ZNF521: variants seen among roughly 807,000 people sequenced by gnomAD.
The protein encoded by ZNF521 is zinc finger protein 521.
ZNF521 carries 14 observed loss-of-function variants against 105.5 expected under a neutral mutation model. The ratio of observed to expected loss-of-function variants is 0.13; its 90% CI spans 0.09 to 0.21. ZNF521 has a LOEUF of 0.21. ZNF521 is among the 10% of genes least tolerant of loss of function. ZNF521 has a pLI of 1.00. For missense variants in ZNF521, 1,233 were observed against 1,629.7 expected (o/e 0.76, Z 4.19); for synonymous variants, 635 against 606.0 (o/e 1.05, Z -0.70).
intron 4 of ZNF521, among the ~76,000 whole-genome samples, chr18:25,197,078 G>T (rs1397284564): frequency 1.3e-5 from 2 of 151,726 alleles, no homozygotes; most frequent in African/African-American, 2.4e-5. Flanking sequence ...ATAATAAAAT[G>T]CCAGCACTTA....
intron 3 of ZNF521, among the ~76,000 whole-genome samples, chr18:25,282,200 T>C (rs1305659849): frequency 6.6e-6 from 1 of 152,144 alleles, no homozygotes; most frequent in Non-Finnish European, 1.5e-5. Flanking sequence ...TATGAATATG[T>C]GTACTGGTAT....
At chr18:25,312,496 A>G (rs1600292099) in intron 3 of ZNF521, among the ~76,000 whole-genome samples, 1 of 152,286 alleles carries the variant, frequency 6.6e-6, no homozygotes, top group Admixed American at 6.5e-5. Context: ...CGGAAAAGGA[A>G]GCATACTCAG....
At chr18:25,257,730 T>C (rs62083932) in intron 3 of ZNF521, among the ~76,000 whole-genome samples, 12,156 of 152,240 alleles carry the variant, frequency 0.08, 552 homozygotes, top group African/African-American at 0.12. Context: ...TTGTTGAGTA[T>C]CAAATGCATA....
At chr18:25,228,805 T>C (rs1024923215) in intron 3 of ZNF521, among the ~76,000 whole-genome samples, 1 of 152,234 alleles carries the variant, frequency 6.6e-6, no homozygotes. Context: ...CACTGTTATT[T>C]CTGTTGCTTT....
chr18:25,179,916 T>C (rs987844560), intron 5 of ZNF521, among the ~76,000 whole-genome samples: 1 of 152,110 alleles, frequency 6.6e-6, no homozygotes, highest in Non-Finnish European at 1.5e-5. Context: ...AAAAGGACCA[T>C]AAAAATAGAA....
chr18:25,319,761 C>T (rs10460096), intron 3 of ZNF521, among the ~76,000 whole-genome samples: 133,823 of 152,226 alleles, frequency 0.88, 59,445 homozygotes, highest in Non-Finnish European at 0.96. Flanking sequence ...AAACATTCAT[C>T]GTTAACAACA....
chr18:25,103,150 G>C (rs1267594639), intron 5 of ZNF521, among the ~76,000 whole-genome samples: 1 of 151,958 alleles, frequency 6.6e-6, no homozygotes, highest in Non-Finnish European at 1.5e-5. Context: ...CTAGATATGG[G>C]GAATTTTATC....
At chr18:25,125,977 C>G (rs1031470177) in intron 5 of ZNF521, among the ~76,000 whole-genome samples, 4 of 151,834 alleles carry the variant, frequency 2.6e-5, no homozygotes, top group African/African-American at 9.7e-5. Context: ...CACCATATTC[C>G]CCTTCAATGG....
chr18:25,181,376 C>T (rs2035629163), intron 5 of ZNF521, among the ~76,000 whole-genome samples: 1 of 152,120 alleles, frequency 6.6e-6, no homozygotes, highest in Non-Finnish European at 1.5e-5. Flanking sequence ...CCACACAAAC[C>T]ATAACATGCA....
chr18:25,162,881 T>C (rs922757406), intron 5 of ZNF521, among the ~76,000 whole-genome samples: 14 of 152,222 alleles, frequency 9.2e-5, no homozygotes, highest in Non-Finnish European at 1.8e-4. Context: ...TTTTTGTCTG[T>C]AGTTAACAAG....
chr18:25,253,331 A>G (rs1275831485), intron 3 of ZNF521, among the ~76,000 whole-genome samples: 2 of 152,134 alleles, frequency 1.3e-5, no homozygotes, highest in Non-Finnish European at 2.9e-5. Context: ...TCACTACGGT[A>G]TTTCCATTTA....
intron 5 of ZNF521, among the ~76,000 whole-genome samples, chr18:25,120,591 A>AAC (rs1555636103): frequency 0.018 from 2,379 of 135,110 alleles, 69 homozygotes; most frequent in African/African-American, 0.056. Context: ...CTAAAAAAAA[A>AAC]AAAAAAAAAA....
intron 3 of ZNF521, among the ~76,000 whole-genome samples, chr18:25,245,579 TATTTTACCC>T (rs1391928445): frequency 6.6e-6 from 1 of 152,246 alleles, no homozygotes; most frequent in Non-Finnish European, 1.5e-5. Context: ...ATTCATTCAT[TATTTTACCC>T]ATTTGTTCAT....
At chr18:25,344,793 T>C (rs1240591124) in intron 2 of ZNF521, among the ~76,000 whole-genome samples, 2 of 152,222 alleles carry the variant, frequency 1.3e-5, no homozygotes, top group Admixed American at 1.3e-4. Context: ...TCACTTTCCC[T>C]CTTAAAATTA....
At chr18:25,219,938 C>G (rs1196053558) in intron 4 of ZNF521, among the ~76,000 whole-genome samples, 1 of 152,238 alleles carries the variant, frequency 6.6e-6, no homozygotes, top group Non-Finnish European at 1.5e-5. Flanking sequence ...GTAACCACCA[C>G]AGGCATCAAG....
chr18:25,108,582 G>C (rs141436056), intron 5 of ZNF521, among the ~76,000 whole-genome samples: 2,240 of 152,098 alleles, frequency 0.015, 52 homozygotes, highest in African/African-American at 0.051. Context: ...AATAAGCAGG[G>C]GGAATTTCCA....
In ZNF521 at chr18:25,351,748, G is replaced by A. The variant is rs1661861914; in HGVS notation, c.-2+257C>T. The A allele has an allele frequency of 2.6e-5, 4 of 155,754 alleles. No homozygotes were observed. The Admixed American group carries it at 2.6e-4, about 10-fold the overall frequency. The allele number at this position is 155,754 out of a possible 1,614,324, so 9.6% of individuals were successfully genotyped here. A position where few individuals can be genotyped will look rare whatever the true frequency, so the allele number is the denominator to read the frequency against. ...AAGCACCCGAGCCGACGGCCCCCAG[G>A]TGGTGTGCGGGGCTGCTTGTGTGCA... On this transcript the variant is annotated intron_variant, in intron 1 of 7. Transcript: ENST00000361524.
chr18:25,281,602 T>G (rs1910385483), intron 3 of ZNF521, among the ~76,000 whole-genome samples: 1 of 152,184 alleles, frequency 6.6e-6, no homozygotes, highest in South Asian at 2.1e-4. Flanking sequence ...TCTCCTTTAC[T>G]CCTTAAGGGA....
intron 4 of ZNF521, among the ~76,000 whole-genome samples, chr18:25,207,951 T>C (rs1328273467): frequency 6.6e-6 from 1 of 152,180 alleles, no homozygotes; most frequent in Non-Finnish European, 1.5e-5. Context: ...TTGAGAACAT[T>C]CTACCACAGT....
Sources: gnomAD v4.1 joint callset for allele counts (sites outside exome capture counted in the v4.1 genomes callset) on GRCh38, gnomAD v4.1.1 for gene constraint, MANE v1.5 for transcripts, NCBI Gene and HGNC (gene_info 2026-07-23, HGNC 2026-07-21) for gene names.